RNGTT: variants seen among roughly 807,000 people sequenced by gnomAD.
RNGTT encodes RNA guanylyltransferase and 5'-phosphatase, also known as mRNA-capping enzyme.
RNGTT carries 33 observed loss-of-function variants against 79.3 expected under a neutral mutation model. The ratio of observed to expected loss-of-function variants is 0.42; its 90% confidence interval spans 0.32 to 0.56. RNGTT has a LOEUF of 0.56. Among genes scored for constraint, RNGTT ranks in the 20% least tolerant of loss-of-function variants. The pLI, the probability that RNGTT is intolerant of heterozygous loss-of-function variation, is 0.17. For missense variants in RNGTT, 497 were observed against 739.1 expected (o/e 0.67, Z 3.80); for synonymous variants, 222 against 235.9 (o/e 0.94, Z 0.54).
At chr6:88,632,580 C>T (rs577210331) in intron 14 of RNGTT, among the ~76,000 whole-genome samples, 214 of 148,512 alleles carry the variant, frequency 1.4e-3, no homozygotes, top group African/African-American at 4.7e-3. Context: ...CACACACACA[C>T]GTACATTTCA....
intron 11 of RNGTT, among the ~76,000 whole-genome samples, chr6:88,837,773 T>C (rs1403126943): frequency 6.6e-6 from 1 of 152,136 alleles, no homozygotes; most frequent in Non-Finnish European, 1.5e-5. Flanking sequence ...CACCCATTCT[T>C]GGTTAAAAAT....
intron 12 of RNGTT, among the ~76,000 whole-genome samples, chr6:88,799,474 G>A (rs141066135): frequency 1.9e-3 from 284 of 152,024 alleles, no homozygotes; most frequent in African/African-American, 5.9e-3. Context: ...CAAGGTAGGC[G>A]GATCACCTGA....
At chr6:88,614,840 G>A (rs1249738490) in intron 14 of RNGTT, among the ~76,000 whole-genome samples, 1 of 152,150 alleles carries the variant, frequency 6.6e-6, no homozygotes, top group Non-Finnish European at 1.5e-5. Context: ...AAATGAAAAA[G>A]TTACATATCA....
At chr6:88,786,126 C>T (rs1354522826) in intron 12 of RNGTT, among the ~76,000 whole-genome samples, 1 of 152,032 alleles carries the variant, frequency 6.6e-6, no homozygotes, top group Non-Finnish European at 1.5e-5. Flanking sequence ...TTTATTCTTA[C>T]TTCAATTATA....
chr6:88,839,420 A>G (rs1161481168), intron 11 of RNGTT, among the ~76,000 whole-genome samples: 1 of 152,116 alleles, frequency 6.6e-6, no homozygotes, highest in Non-Finnish European at 1.5e-5. Flanking sequence ...AAATTAAAAA[A>G]TTAGCTAGGA....
chr6:88,936,676 T>C (rs1469381692), intron 2 of RNGTT, among the ~76,000 whole-genome samples: 2 of 152,236 alleles, frequency 1.3e-5, no homozygotes, highest in African/African-American at 4.8e-5. Flanking sequence ...ATGTATCATA[T>C]TTATTGATTT....
At chr6:88,801,499 T>C in intron 12 of RNGTT, 65 bp downstream of exon 12, 2 of 1,251,674 alleles carry the variant, frequency 1.6e-6, no homozygotes, top group South Asian at 2.5e-5. Flanking sequence ...TATGTATATG[T>C]ATATCTGTGT....
At chr6:88,736,073 A>C (rs371136653) in intron 13 of RNGTT, among the ~76,000 whole-genome samples, 1 of 152,108 alleles carries the variant, frequency 6.6e-6, no homozygotes, top group South Asian at 2.1e-4. Context: ...CTAATTTGAT[A>C]ATTTAGATAA....
intron 11 of RNGTT, among the ~76,000 whole-genome samples, chr6:88,815,328 A>T (rs1334520292): frequency 6.6e-6 from 1 of 152,200 alleles, no homozygotes; most frequent in African/African-American, 2.4e-5. Context: ...AGCCCCTCCC[A>T]GATTCTGCCC....
chr6:88,952,344 G>C (rs1235771873), intron 1 of RNGTT, among the ~76,000 whole-genome samples: 1 of 152,138 alleles, frequency 6.6e-6, no homozygotes, highest in Non-Finnish European at 1.5e-5. Context: ...TGCCCTGGTT[G>C]CTGAACACAA....
intron 14 of RNGTT, among the ~76,000 whole-genome samples, chr6:88,652,964 A>C (rs541029297): frequency 2.8e-4 from 42 of 152,320 alleles, no homozygotes; most frequent in African/African-American, 9.9e-4. Flanking sequence ...TGTAATAAGT[A>C]AAATGCATAA....
intron 14 of RNGTT, among the ~76,000 whole-genome samples, chr6:88,675,929 C>T (rs1774859101): frequency 6.6e-6 from 1 of 152,080 alleles, no homozygotes; most frequent in African/African-American, 2.4e-5. Flanking sequence ...AACTAGAGAG[C>T]AATGTGGCCT....
chr6:88,724,069 G>T (rs759068866), intron 13 of RNGTT, among the ~76,000 whole-genome samples: 7 of 151,948 alleles, frequency 4.6e-5, no homozygotes, highest in Admixed American at 1.3e-4. Flanking sequence ...GAGTCAAAAG[G>T]TTTAAAAAAA....
chr6:88,913,585 T>C (rs990154696), intron 4 of RNGTT, among the ~76,000 whole-genome samples: 7 of 152,168 alleles, frequency 4.6e-5, no homozygotes, highest in African/African-American at 1.7e-4. Context: ...ATTTAACACA[T>C]AAACAGAATT....
Position 88,938,465 on chromosome 6 carries a change from C to T in RNGTT, c.174+2606G>A, listed in dbSNP as rs138569110. 2.3e-3 allele frequency among the ~76,000 whole-genome samples: 352 copies of T among 152,176 alleles called. 1 individual carries two copies. Among genetic ancestry groups the T allele is most frequent in the African/African-American group, 7.8e-3 (326 of 41,532 alleles). ...TCTTGTAGGCAGCATATGGATAAGT[C>T]GTGTTTCTATATCCATTCGGCCAGT... On this transcript the variant is annotated intron_variant, in intron 2 of 15. Coordinates refer to ENST00000369485, the MANE Select transcript of RNGTT (RefSeq NM_003800.5).
intron 4 of RNGTT, among the ~76,000 whole-genome samples, chr6:88,921,170 T>C (rs1185815804): frequency 6.6e-6 from 1 of 152,170 alleles, no homozygotes; most frequent in Non-Finnish European, 1.5e-5. Flanking sequence ...GGAATTTTTA[T>C]CAGCCTTGCA....
chr6:88,770,650 G>A (rs566624264), intron 12 of RNGTT, among the ~76,000 whole-genome samples: 1 of 152,140 alleles, frequency 6.6e-6, no homozygotes, highest in Non-Finnish European at 1.5e-5. Flanking sequence ...TAAATAACTA[G>A]GAGAGTGGAA....
At chr6:88,821,006 T>C (rs1039911434) in intron 11 of RNGTT, among the ~76,000 whole-genome samples, 1 of 152,034 alleles carries the variant, frequency 6.6e-6, no homozygotes, top group Non-Finnish European at 1.5e-5. Flanking sequence ...CAGCACAATA[T>C]TGAAGGAGAA....
At chr6:88,870,300 A>C (rs1782312615) in intron 8 of RNGTT, among the ~76,000 whole-genome samples, 4 of 152,118 alleles carry the variant, frequency 2.6e-5, no homozygotes, top group African/African-American at 9.7e-5. Flanking sequence ...AAAATCCTAT[A>C]TATGATTTTA....
Sources: allele counts gnomAD v4.1 joint callset (sites outside exome capture counted in the v4.1 genomes callset), GRCh38; gene constraint gnomAD v4.1.1; transcripts MANE v1.5; gene names NCBI Gene and HGNC (gene_info 2026-07-23, HGNC 2026-07-21).